The following PHC3 variants were observed in gnomAD, a reference collection of about 807,000 sequenced individuals.
PHC3 encodes the protein polyhomeotic-like protein 3.
Under a neutral mutation model 107.4 loss-of-function variants are expected in PHC3, and 13 were observed. That is an observed-to-expected ratio of 0.12 (90% confidence interval 0.08 to 0.19). The LOEUF is 0.19. Among genes scored for constraint, PHC3 ranks in the 10% least tolerant of loss-of-function variants. The pLI is 1.00. For missense variants in PHC3, 992 were observed against 1,210.9 expected, an observed-to-expected ratio of 0.82 and a Z score of 2.68; for synonymous variants, 456 against 427.4, an observed-to-expected ratio of 1.07 and a Z score of -0.83.
chr3:170,150,118 A>G (rs1303503589), intron 4 of PHC3, among the ~76,000 whole-genome samples: 4 of 152,222 alleles, frequency 2.6e-5, no homozygotes, highest in African/African-American at 7.2e-5. Context: ...TAAAAATTAA[A>G]AAAGAGCTAC....
At chr3:170,172,374 T>TAA (rs77226051) in intron 3 of PHC3, among the ~76,000 whole-genome samples, 183 bp downstream of exon 3, 2 of 151,934 alleles carry the variant, frequency 1.3e-5, no homozygotes, top group Admixed American at 6.6e-5. Flanking sequence ...CAGAGTAACA[T>TAA]AAAAAAACAT....
chr3:170,111,248 C>A, intron 11 of PHC3, among the ~76,000 whole-genome samples: 1 of 141,348 alleles, frequency 7.1e-6, no homozygotes, highest in South Asian at 2.2e-4. Flanking sequence ...CTACGATTTT[C>A]TTTAAAACAA....
chr3:170,133,248 G>A (rs1410082738), intron 7 of PHC3, among the ~76,000 whole-genome samples: 1 of 150,566 alleles, frequency 6.6e-6, no homozygotes, highest in African/African-American at 2.4e-5. Context: ...GTGTGATCTC[G>A]ACTCACTGCA....
intron 9 of PHC3, 64 bp downstream of exon 9, chr3:170,122,527 A>T: frequency 6.5e-7 from 1 of 1,547,290 alleles, no homozygotes; most frequent in Non-Finnish European, 8.9e-7. Flanking sequence ...GAAAAAAATC[A>T]ACTTTTCCTA....
chr3:170,107,523 C>T (rs1716786762), intron 11 of PHC3, among the ~76,000 whole-genome samples: 1 of 152,064 alleles, frequency 6.6e-6, no homozygotes, highest in Non-Finnish European at 1.5e-5. Context: ...GCAGAAGAAT[C>T]GTTTGAGACA....
At chr3:170,130,205 AGAG>A (rs1018859005) in intron 7 of PHC3, among the ~76,000 whole-genome samples, 2 of 152,232 alleles carry the variant, frequency 1.3e-5, no homozygotes, top group Admixed American at 6.5e-5. Flanking sequence ...TTGCAGGAAA[AGAG>A]GAGTATCATC....
At chr3:170,163,712 A>C (rs987121499) in intron 4 of PHC3, among the ~76,000 whole-genome samples, 2 of 151,696 alleles carry the variant, frequency 1.3e-5, no homozygotes, top group African/African-American at 2.4e-5. Context: ...AAAATACAAA[A>C]ATTAGCCAGG....
intron 4 of PHC3, among the ~76,000 whole-genome samples, chr3:170,159,062 T>C (rs775219181): frequency 6.6e-6 from 1 of 151,694 alleles, no homozygotes; most frequent in Admixed American, 6.6e-5. Flanking sequence ...CCATCCTGGC[T>C]AACATGGTGA....
intron 8 of PHC3, among the ~76,000 whole-genome samples, chr3:170,124,368 C>G (rs1337345455): frequency 6.6e-6 from 1 of 152,040 alleles, no homozygotes; most frequent in Non-Finnish European, 1.5e-5. Flanking sequence ...TTTAACCATA[C>G]TGACTAATCT....
rs750463123 is a variant in PHC3, at chr3:170,111,394, G to GAGGAAGGAAGGAAGGA, written c.2353+1950_2353+1965dup. Among the ~76,000 whole-genome samples the GAGGAAGGAAGGAAGGA allele has an allele frequency of 2.1e-5, 3 of 142,128 alleles. No individual in the cohort carries two copies. In the East Asian group the frequency reaches 6.4e-4, roughly 30 times the overall value. 93.2% of individuals were successfully genotyped at this position (142,128 alleles called of 152,430 possible). ...AAAGAAAGAAAGAGAGAGAAAGAAAGAGGAAGGAAGGAAGGAAGGAAGGAA... is the reference window on the plus strand; with the variant it reads ...AAAGAAAGAAAGAGAGAGAAAGAAAGAGGAAGGAAGGAAGGAAGGAAGGAAGGAAGGAAGGAAGGAA... On this transcript the variant is annotated intron_variant, in intron 11 of 14. Transcript: ENST00000495893.
intron 2 of PHC3, among the ~76,000 whole-genome samples, chr3:170,178,175 G>C (rs571257814): frequency 7.0e-6 from 1 of 143,268 alleles, no homozygotes; most frequent in Non-Finnish European, 1.5e-5. Flanking sequence ...ACGGAGTCTC[G>C]TTCTGTCGCT....
chr3:170,143,610 G>A (rs921542785), intron 6 of PHC3, among the ~76,000 whole-genome samples: 1 of 152,068 alleles, frequency 6.6e-6, no homozygotes, highest in South Asian at 2.1e-4. Flanking sequence ...TCATTATGAA[G>A]AATACCAGAA....
intron 8 of PHC3, among the ~76,000 whole-genome samples, chr3:170,124,670 C>T (rs1044858151): frequency 2.0e-5 from 3 of 152,214 alleles, no homozygotes; most frequent in Non-Finnish European, 2.9e-5. Context: ...CCTAGCCCCA[C>T]AAATGTTAAC....
intron 2 of PHC3, among the ~76,000 whole-genome samples, chr3:170,175,760 T>C (rs375656885): frequency 1.3e-4 from 20 of 151,392 alleles, no homozygotes; most frequent in African/African-American, 4.6e-4. Context: ...CCATCTCTAC[T>C]AAAAATACAA....
At chr3:170,125,422 A>AT (rs1721089019) in intron 8 of PHC3, among the ~76,000 whole-genome samples, 1 of 152,152 alleles carries the variant, frequency 6.6e-6, no homozygotes, top group African/African-American at 2.4e-5. Flanking sequence ...GACCAGTTCA[A>AT]TTTTATCTAT....
At chr3:170,160,790 CCA>C (rs987973116) in intron 4 of PHC3, among the ~76,000 whole-genome samples, 1 of 151,968 alleles carries the variant, frequency 6.6e-6, no homozygotes, top group African/African-American at 2.4e-5. Context: ...ACCTGTAATC[CCA>C]GTTACTCAGG....
chr3:170,129,595 A>T, intron 7 of PHC3, 43 bp from the exon 8 acceptor site: 1 of 1,531,510 alleles, frequency 6.5e-7, no homozygotes, highest in Non-Finnish European at 8.8e-7. Flanking sequence ...TTTCAAAAAT[A>T]CAGAAATTTT....
chr3:170,165,355 T>G (rs1728548608), intron 4 of PHC3, among the ~76,000 whole-genome samples: 1 of 151,888 alleles, frequency 6.6e-6, no homozygotes, highest in Admixed American at 6.6e-5. Flanking sequence ...AACATCCAAG[T>G]TTCAATAAAA....
intron 8 of PHC3, among the ~76,000 whole-genome samples, chr3:170,126,502 A>ATGTG (rs1201042423): frequency 2.2e-4 from 27 of 123,072 alleles, no homozygotes; most frequent in African/African-American, 8.6e-4. Context: ...TATGCTCCAT[A>ATGTG]TGTATATATA....
Sources: gnomAD v4.1 joint callset for allele counts (sites outside exome capture counted in the v4.1 genomes callset) on GRCh38, gnomAD v4.1.1 for gene constraint, MANE v1.5 for transcripts, NCBI Gene and HGNC (gene_info 2026-07-23, HGNC 2026-07-21) for gene names.